SCGB1C1: variants seen among roughly 807,000 people sequenced by gnomAD.
The protein encoded by SCGB1C1 is ligand binding protein RYD5.
Under a neutral mutation model 8.9 loss-of-function variants are expected in SCGB1C1, and 2 were observed. The observed-to-expected ratio is 0.23, with a 90% confidence interval of 0.09 to 0.71. The LOEUF (loss-of-function observed/expected upper bound fraction) is 0.71. SCGB1C1 is among the 30% of genes least tolerant of loss of function. The probability of loss-of-function intolerance (pLI) is 0.78; values close to 1 mark genes in which losing one functional copy is unlikely to be tolerated. For missense variants in SCGB1C1, 25 were observed against 112.7 expected, an observed-to-expected ratio of 0.22 and a Z score of 3.52; for synonymous variants, 6 against 45.8, an observed-to-expected ratio of 0.13 and a Z score of 3.51.
chr11:189,908 G>GGACACTGCCGGA (rs1854760743), upstream of SCGB1C1, among the ~76,000 whole-genome samples: 1 of 33,932 alleles, frequency 2.9e-5, no homozygotes, highest in Non-Finnish European at 9.3e-5. Flanking sequence ...ACGTTGCAGG[G>GGACACTGCCGGA]CCCTCTTGCT....
rs374602918 is a variant in SCGB1C1 at position 193,124 on chromosome 11, C to T, written c.25C>T (p.Leu9=). Residue 9 remains leucine, a synonymous_variant, in exon 1 of 3, where the codon CTG becomes TTG. Coordinates refer to ENST00000342878, the MANE Select transcript of SCGB1C1 (RefSeq NM_145651.3). The part of the protein sequence containing the change: MKGSRALL[L]VALTLFCICR... ...CATGAAGGGGAGCCGTGCCCTCCTG[C>T]TGGTGGCCCTCACCCTGTTCTGCAT... is the stretch of plus-strand genomic sequence containing the variant. The T allele has an allele frequency of 6.9e-7, 1 of 1,446,684 alleles. No homozygotes were observed. Among genetic ancestry groups the T allele is most frequent in the Non-Finnish European group, 9.5e-7 (1 of 1,054,994 alleles). The allele number at this position is 1,446,684 out of a possible 1,614,324, so 89.6% of individuals were successfully genotyped here.
At chr11:193,932 C>A (rs777446148) in intron 2 of SCGB1C1, 21 bp downstream of exon 2, 2 of 1,415,636 alleles carry the variant, frequency 1.4e-6, no homozygotes, top group Non-Finnish European at 1.9e-6. Context: ...GGCGGGCACC[C>A]CATTTTCTAA....
At chr11:190,600 T>C (rs1854783186), upstream of SCGB1C1, among the ~76,000 whole-genome samples, 1 of 152,216 alleles carries the variant, frequency 6.6e-6, no homozygotes, top group Non-Finnish European at 1.5e-5. Context: ...CTGTCTCAAG[T>C]CTCCACCTGT....
At chr11:191,914 C>G (rs1337559641), upstream of SCGB1C1, among the ~76,000 whole-genome samples, 1 of 151,758 alleles carries the variant, frequency 6.6e-6, no homozygotes, top group African/African-American at 2.4e-5. Flanking sequence ...TAACCCTTAC[C>G]GGTGACCCTA....
chr11:193,824 C>T lies in SCGB1C1; in HGVS notation c.168C>T (p.Asn56=), dbSNP rs374178760. The T allele has an allele frequency of 1.2e-4, 187 of 1,582,440 alleles. No individual in the cohort carries two copies. In the African/African-American group the frequency reaches 1.2e-3, roughly 10 times the overall value. Reference sequence around the variant, plus strand: ...GGACCTTGGGCAAGTACAATGTCAACGAAGATGCCAAGGCAGCAATGACTG... The same window carrying T: ...GGACCTTGGGCAAGTACAATGTCAATGAAGATGCCAAGGCAGCAATGACTG... ...YEGTLGKYNV[N]EDAKAAMTEL... is the part of the protein sequence containing the mutation. Residue 56 remains asparagine (N), a synonymous_variant, in exon 2 of 3, where the codon AAC becomes AAT. Transcript: ENST00000342878.
upstream of SCGB1C1, among the ~76,000 whole-genome samples, chr11:192,676 A>C (rs2133722097): frequency 6.6e-6 from 1 of 151,058 alleles, no homozygotes; most frequent in African/African-American, 2.4e-5. Context: ...CCCCAGATGC[A>C]GACCCAGATC....
chr11:189,459 C>T (rs1385457681), upstream of SCGB1C1, among the ~76,000 whole-genome samples: 1 of 106,396 alleles, frequency 9.4e-6, no homozygotes, highest in African/African-American at 5.5e-5. Context: ...AGAGGCGCGG[C>T]GCGCGGGCGC....
intron 1 of SCGB1C1, 51 bp from the exon 2 acceptor site, chr11:193,661 T>C: frequency 6.2e-7 from 1 of 1,601,870 alleles, no homozygotes; most frequent in Non-Finnish European, 8.5e-7. Flanking sequence ...GGGCTGTGGT[T>C]GCACCAGAGT....
upstream of SCGB1C1, among the ~76,000 whole-genome samples, chr11:190,270 C>G (rs1854774666): frequency 2.0e-5 from 3 of 149,560 alleles, no homozygotes; most frequent in Admixed American, 6.7e-5. Flanking sequence ...GGGGACTAGG[C>G]AGGGCACTCT....
At chr11:191,919 A>C (rs1273265669), upstream of SCGB1C1, among the ~76,000 whole-genome samples, 2 of 151,302 alleles carry the variant, frequency 1.3e-5, no homozygotes, top group African/African-American at 4.9e-5. Flanking sequence ...CTTACCGGTG[A>C]CCCTACTGTA....
At chr11:192,514 T>C (rs763627659), upstream of SCGB1C1, among the ~76,000 whole-genome samples, 1 of 148,596 alleles carries the variant, frequency 6.7e-6, no homozygotes, top group Non-Finnish European at 1.5e-5. Flanking sequence ...CCACCTTCTC[T>C]CTTCTAGGCA....
At chr11:191,902 C>T (rs1854819930), upstream of SCGB1C1, among the ~76,000 whole-genome samples, 1 of 150,586 alleles carries the variant, frequency 6.6e-6, no homozygotes, top group Non-Finnish European at 1.5e-5. Context: ...ACCCCTAACC[C>T]CTAACCCTTA....
upstream of SCGB1C1, among the ~76,000 whole-genome samples, chr11:192,462 G>T (rs1362520533): frequency 6.6e-6 from 1 of 151,192 alleles, no homozygotes; most frequent in Admixed American, 6.6e-5. Flanking sequence ...CTGAGACCTG[G>T]CCCCAACATG....
upstream of SCGB1C1, among the ~76,000 whole-genome samples, chr11:191,817 CCCCTAACCCCTAACCCTAA>C (rs1854812770): frequency 1.1e-4 from 4 of 36,378 alleles, no homozygotes; most frequent in Admixed American, 5.5e-4. Context: ...CTAACCCTAA[CCCCTAACCCCTAACCCTAA>C]CCCTAACCCT....
Position 193,924 on chromosome 11 carries a change from C to T in SCGB1C1, c.255+13C>T, listed in dbSNP as rs371460427. 6.7e-5 allele frequency: 97 copies of T among 1,446,164 alleles called. No individual in the cohort carries two copies. The highest frequency in any genetic ancestry group is 2.3e-4 in the East Asian group (9 of 39,282). The allele number at this position is 1,446,164 out of a possible 1,614,324, so 89.6% of individuals were successfully genotyped here. A position where few individuals can be genotyped will look rare whatever the true frequency, so the allele number is the denominator to read the frequency against. On this transcript the variant is annotated intron_variant, in intron 2 of 2. Transcript: ENST00000342878. ...GGTCAAGCTGCTGGTATGAGGGCGG[C>T]GGGCACCCCATTTTCTAAAGATCTG... is the stretch of plus-strand genomic sequence containing the variant.
chr11:194,248 A>G (rs1164466864), intron 2 of SCGB1C1, among the ~76,000 whole-genome samples, 170 bp from the exon 3 acceptor site: 3 of 140,382 alleles, frequency 2.1e-5, no homozygotes, highest in African/African-American at 8.1e-5. Context: ...ATGCACACAC[A>G]TACATGTGTG....
intron 1 of SCGB1C1, among the ~76,000 whole-genome samples, chr11:193,451 C>T (rs1211981475): frequency 6.6e-6 from 1 of 151,702 alleles, no homozygotes; most frequent in Non-Finnish European, 1.5e-5. Context: ...TTCCCCCACA[C>T]CAGGAGCTTA....
intron 2 of SCGB1C1, 56 bp from the exon 3 acceptor site, chr11:194,362 G>A: frequency 1.4e-5 from 14 of 1,016,460 alleles, no homozygotes; most frequent in Non-Finnish European, 2.1e-5. Context: ...TGATGGAGCT[G>A]TGGCTCTCCA....
chr11:194,324 C>G, intron 2 of SCGB1C1, 94 bp from the exon 3 acceptor site: 2 of 1,186,502 alleles, frequency 1.7e-6, no homozygotes, highest in South Asian at 1.2e-5. Context: ...ATATGCCAGA[C>G]CCCCCCCCAC....
Sources: gnomAD v4.1 joint callset for allele counts (sites outside exome capture counted in the v4.1 genomes callset) on GRCh38, gnomAD v4.1.1 for gene constraint, MANE v1.5 for transcripts, NCBI Gene and HGNC (gene_info 2026-07-23, HGNC 2026-07-21) for gene names.